Variants in MMP21 observed in about 807,000 individuals in gnomAD.
MMP21 encodes the protein matrix metalloproteinase-21.
Under a neutral mutation model 47.8 loss-of-function variants are expected in MMP21, and 40 were observed. The ratio of observed to expected loss-of-function variants is 0.84; its 90% CI spans 0.65 to 1.09. The LOEUF (loss-of-function observed/expected upper bound fraction) is 1.09, where lower values mean the gene tolerates loss of function less well. MMP21 is among the 50% of genes least tolerant of loss of function. MMP21 has a pLI of 0.00. For missense variants in MMP21, 747 were observed against 775.3 expected, an observed-to-expected ratio of 0.96 and a Z score of 0.43; for synonymous variants, 341 against 318.0, an observed-to-expected ratio of 1.07 and a Z score of -0.77.
chr10:125,767,762 AAG>A, intron 5 of MMP21, 58 bp from the exon 6 acceptor site: 1 of 1,570,414 alleles, frequency 6.4e-7, no homozygotes, highest in Non-Finnish European at 8.7e-7. Flanking sequence ...ACGTGACAAA[AAG>A]GACAGTTTTC....
chr10:125,775,369 C>G (rs1385866454), intron 1 of MMP21, among the ~76,000 whole-genome samples: 1 of 152,256 alleles, frequency 6.6e-6, no homozygotes, highest in African/African-American at 2.4e-5. Context: ...ACTACAGTAT[C>G]ACATGCTTGC....
At chr10:125,771,484 A>G (rs1212097711) in intron 4 of MMP21, among the ~76,000 whole-genome samples, 6 of 151,504 alleles carry the variant, frequency 4.0e-5, no homozygotes, top group Non-Finnish European at 8.8e-5. Context: ...GCTCACTGCA[A>G]CCTCCACCTC....
chr10:125,767,652 ATCT>A lies in MMP21; in HGVS notation c.1287_1289del (p.Glu429del), dbSNP rs1564761937. The stretch of plus-strand genomic sequence containing the variant: ...ATTTGGGATAGCTTTTTCCTTGTTC[ATCT>A]TCTGTGAGGGCCTGATCCTTGTCAC... On this transcript the variant is annotated inframe_deletion, in exon 6 of 7. Transcript: ENST00000368808. The A allele has an allele frequency of 1.2e-6, 2 of 1,614,134 alleles. No individual in the cohort carries two copies.
At chr10:125,775,564 C>G in intron 1 of MMP21, 96 bp downstream of exon 1, 1 of 1,435,510 alleles carries the variant, frequency 7.0e-7, no homozygotes, top group East Asian at 2.6e-5. Flanking sequence ...CTCTGCACAG[C>G]CGGCATCCTG....
In MMP21 at chr10:125,774,256, C is replaced by G. The variant is rs1850490752; in HGVS notation, c.272G>C (p.Arg91Thr). 3.5e-6 allele frequency: 5 copies of G among 1,419,930 alleles called. No individual in the cohort carries two copies. Among genetic ancestry groups the G allele is most frequent in the Non-Finnish European group, 4.6e-6 (5 of 1,091,818 alleles). 88.0% of individuals were successfully genotyped at this position (1,419,930 alleles called of 1,614,324 possible). The change falls in exon 2 of 7, where the codon AGG becomes ACG. Residue 91 changes from arginine to threonine, a missense_variant. Physicochemically the swap from Arg to Thr is moderately conservative, Grantham distance 71 (BLOSUM62 -1). Transcript: ENST00000368808. ...KGAALAEAVR[R>T]FQRANALPAS... The stretch of plus-strand genomic sequence containing the variant: ...CGGCAGCGCGTTCGCCCGCTGGAAC[C>G]TGCGCACCGCCTCGGCCAGGGCGGC...
chr10:125,774,325 G>C lies in MMP21; in HGVS notation c.203C>G (p.Ala68Gly). Reference sequence around the variant, plus strand: ...CGGCCCCTCGGGACTGGGCCCCCAGGCCGCCCACACCCCTGACCAGCCGTA... The same window carrying C: ...CGGCCCCTCGGGACTGGGCCCCCAGCCCGCCCACACCCCTGACCAGCCGTA... ...SRYGWSGVWA[A>G]WGPSPEGPPE... is the part of the protein sequence containing the mutation. The change falls in exon 2 of 7, where the codon GCC (alanine) becomes GGC (glycine). Residue 68 changes from alanine to glycine, a missense_variant. Physicochemically the swap from Ala to Gly is moderately conservative, Grantham distance 60 (BLOSUM62 0). Transcript: ENST00000368808. 7.1e-7 allele frequency: 1 copy of C among 1,411,868 alleles called. No homozygotes were observed. The highest frequency in any genetic ancestry group is 9.2e-7 in the Non-Finnish European group (1 of 1,091,258). The allele number at this position is 1,411,868 out of a possible 1,614,324, so 87.5% of individuals were successfully genotyped here. A position where few individuals can be genotyped will look rare whatever the true frequency, so the allele number is the denominator to read the frequency against.
Position 125,767,684 on chromosome 10 carries a change from CAT to C in MMP21, c.1256_1257del (p.Tyr419Ter), listed in dbSNP as rs1441995556. 2.5e-6 allele frequency: 4 copies of C among 1,614,148 alleles called. No individual in the cohort carries two copies. The South Asian group carries it at 3.3e-5, about 13-fold the overall frequency. On this transcript the variant is annotated frameshift_variant, in exon 6 of 7. Coordinates refer to ENST00000368808, the MANE Select transcript of MMP21 (RefSeq NM_147191.1). LOFTEE classifies it high-confidence loss of function. ...YFFQGNQYWRYDSDKDQALTE... is the reference protein window; with the variant it reads ...YFFQGNQYWRXDSDKDQALTE... ...GTGAGGGCCTGATCCTTGTCACTGT[CAT>C]ATCTCCAGTATTGATTTCCTGAGAG...
chr10:125,769,413 A>G (rs964876934), intron 5 of MMP21, among the ~76,000 whole-genome samples: 2 of 152,106 alleles, frequency 1.3e-5, no homozygotes, highest in African/African-American at 2.4e-5. Context: ...GGTTGGGCCA[A>G]CCCGCCTTTC....
rs761159121 is a variant in MMP21, at chr10:125,770,523, C to T, written c.1048G>A (p.Val350Met). ...AAATATGTGCTAAATCTCACCATCA[C>T]CTCTCCATATTGGTTTCTCTCTTTG... ...IRKERNQYGE[V>M]MVRFSTYFFR... The change falls in exon 5 of 7, where the codon GTG becomes ATG. Residue 350 changes from valine (V) to methionine (M), a missense_variant. Val to Met is a conservative substitution (Grantham distance 21). Transcript: ENST00000368808. 6.2e-7 allele frequency: 1 copy of T among 1,614,136 alleles called. No homozygotes were observed. Among genetic ancestry groups the T allele is most frequent in the Non-Finnish European group, 8.5e-7 (1 of 1,180,030 alleles).
rs1850454679 is a variant in MMP21, at chr10:125,772,229, T to C, written c.968A>G (p.Gln323Arg). The C allele has an allele frequency of 6.2e-7, 1 of 1,614,080 alleles. No individual in the cohort carries two copies. The highest frequency in any genetic ancestry group is 1.3e-5 in the African/African-American group (1 of 74,930). Residue 323 changes from glutamine to arginine, a missense_variant, in exon 4 of 7, where the codon CAA (glutamine) becomes CGA (arginine). By Grantham distance (43) the Gln-to-Arg change is conservative (BLOSUM62 1). Coordinates refer to ENST00000368808, the MANE Select transcript of MMP21 (RefSeq NM_147191.1). The surrounding 1 kb of genome is among the most constrained non-coding windows in gnomAD (Gnocchi z 5.6). ...CGCAGCAGTCTTACCATACAGCTTTTGAATTGCTTTCCTGTCTGACCAGTC... is the reference window on the plus strand; with the variant it reads ...CGCAGCAGTCTTACCATACAGCTTTCGAATTGCTTTCCTGTCTGACCAGTC... ...ELDWSDRKAI[Q>R]KLYGSCEGSF... is the part of the protein sequence containing the mutation.
At chr10:125,770,208 G>T in intron 5 of MMP21, 126 bp downstream of exon 5, 1 of 1,012,026 alleles carries the variant, frequency 9.9e-7, no homozygotes, top group Non-Finnish European at 1.5e-6. Context: ...GTCTGATGGA[G>T]CAGACAGAAA....
At chr10:125,771,336 C>T (rs1175441034) in intron 4 of MMP21, among the ~76,000 whole-genome samples, 7 of 151,986 alleles carry the variant, frequency 4.6e-5, no homozygotes, top group Non-Finnish European at 4.4e-5. Flanking sequence ...CTGTTGTTGT[C>T]TCCAAAGACA....
At chr10:125,771,801 G>A (rs1020928564) in intron 4 of MMP21, among the ~76,000 whole-genome samples, 2 of 152,114 alleles carry the variant, frequency 1.3e-5, no homozygotes, top group Non-Finnish European at 2.9e-5. Context: ...CCACTAGAAC[G>A]TTTGGCCTGA....
chr10:125,770,529 C>T lies in MMP21; in HGVS notation c.1042G>A (p.Gly348Arg). ...GTGCTAAATCTCACCATCACCTCTCCATATTGGTTTCTCTCTTTGCGAATC... is the reference window on the plus strand; with the variant it reads ...GTGCTAAATCTCACCATCACCTCTCTATATTGGTTTCTCTCTTTGCGAATC... ...DWIRKERNQY[G>R]EVMVRFSTYF... is the part of the protein sequence containing the mutation. Residue 348 changes from glycine to arginine, a missense_variant, in exon 5 of 7, where the codon GGA becomes AGA. Physicochemically the swap from Gly to Arg is moderately radical, Grantham distance 125. Coordinates refer to ENST00000368808, the MANE Select transcript of MMP21 (RefSeq NM_147191.1). The T allele has an allele frequency of 6.2e-7, 1 of 1,614,112 alleles. No individual in the cohort carries two copies. Among genetic ancestry groups the T allele is most frequent in the Non-Finnish European group, 8.5e-7 (1 of 1,180,010 alleles).
Position 125,772,722 on chromosome 10 carries a change from G to C in MMP21, c.726C>G (p.Phe242Leu). ...GTGCAAACTCCTGCCCGCTCCCATC[G>C]AAGGCCCGCGGACAGCCCAGGTGCC... The part of the protein sequence containing the change: ...RGRHLGCPRA[F>L]DGSGQEFAHA... Residue 242 changes from phenylalanine to leucine, a missense_variant, in exon 3 of 7, where the codon TTC (phenylalanine) becomes TTG (leucine). Phe to Leu is a conservative substitution (Grantham distance 22). Coordinates refer to ENST00000368808, the MANE Select transcript of MMP21 (RefSeq NM_147191.1). This position sits in a 1 kb window ranked among gnomAD's most constrained non-coding sequence, Gnocchi z 5.6. 6.2e-7 allele frequency: 1 copy of C among 1,614,066 alleles called. No homozygotes were observed. Among genetic ancestry groups the C allele is most frequent in the Non-Finnish European group, 8.5e-7 (1 of 1,180,014 alleles).
chr10:125,773,222 C>T lies in MMP21; in HGVS notation c.698-472G>A, dbSNP rs575005724. Reference sequence around the variant, plus strand: ...CCGGGTCACAGATGGGGCTGCAAAGCGGCTTGTCTGCTTGCTGCTTGTCTC... The same window carrying T: ...CCGGGTCACAGATGGGGCTGCAAAGTGGCTTGTCTGCTTGCTGCTTGTCTC... On this transcript the variant is annotated intron_variant, in intron 2 of 6. Transcript: ENST00000368808. This position sits in a 1 kb window ranked among gnomAD's most constrained non-coding sequence, Gnocchi z 4.8. 2.6e-5 allele frequency among the ~76,000 whole-genome samples: 4 copies of T among 152,256 alleles called. No individual in the cohort carries two copies. The highest frequency in any genetic ancestry group is 2.1e-4 in the South Asian group (1 of 4,824).
chr10:125,774,255 C>A lies in MMP21; in HGVS notation c.273G>T (p.Arg91Ser). Residue 91 changes from arginine (R) to serine (S), a missense_variant, in exon 2 of 7, where the codon AGG (arginine) becomes AGT (serine). Physicochemically the swap from Arg to Ser is moderately radical, Grantham distance 110. Coordinates refer to ENST00000368808, the MANE Select transcript of MMP21 (RefSeq NM_147191.1). ...CCGGCAGCGCGTTCGCCCGCTGGAA[C>A]CTGCGCACCGCCTCGGCCAGGGCGG... Reference protein sequence around the residue: ...KGAALAEAVRRFQRANALPAS... With the variant: ...KGAALAEAVRSFQRANALPAS... 7.0e-7 allele frequency: 1 copy of A among 1,419,410 alleles called. No homozygotes were observed. Among genetic ancestry groups the A allele is most frequent in the Non-Finnish European group, 9.2e-7 (1 of 1,091,432 alleles). The allele number at this position is 1,419,410 out of a possible 1,614,324, so 87.9% of individuals were successfully genotyped here. A position where few individuals can be genotyped will look rare whatever the true frequency, so the allele number is the denominator to read the frequency against.
At position 125,767,598 on chromosome 10, in the gene MMP21, T is replaced by C. The variant is rs1251984563; in HGVS notation, c.1344A>G (p.Pro448=). Residue 448 remains proline, a synonymous_variant, in exon 6 of 7, where the codon CCA becomes CCG. Coordinates refer to ENST00000368808, the MANE Select transcript of MMP21 (RefSeq NM_147191.1). ...CATAAAACGCCGTGTCTAGGGGACT[T>C]GGGATGCCAGGAAATCCTTCTGAAA... The part of the protein sequence containing the change: ...KLISEGFPGI[P]SPLDTAFYDR... The C allele has an allele frequency of 6.2e-7, 1 of 1,614,204 alleles. No individual in the cohort carries two copies. Among genetic ancestry groups the C allele is most frequent in the South Asian group, 1.1e-5 (1 of 91,084 alleles).
intron 5 of MMP21, among the ~76,000 whole-genome samples, chr10:125,768,265 G>A (rs993817912): frequency 4.6e-5 from 7 of 152,178 alleles, no homozygotes; most frequent in Admixed American, 2.0e-4. Flanking sequence ...GGACACTGGA[G>A]TAGAGAGCTG....
Sources: allele counts gnomAD v4.1 joint callset (sites outside exome capture counted in the v4.1 genomes callset), GRCh38; gene constraint gnomAD v4.1.1; non-coding constraint Gnocchi (gnomAD v3.1); transcripts MANE v1.5; gene names NCBI Gene and HGNC (gene_info 2026-07-23, HGNC 2026-07-21).